Variants in GAN observed in about 807,000 individuals in gnomAD.
GAN encodes gigaxonin.
GAN carries 48 observed loss-of-function variants against 71.3 expected under a neutral mutation model. The observed-to-expected ratio is 0.67, with a 90% CI of 0.53 to 0.86. The LOEUF is 0.86. GAN is among the 40% of genes least tolerant of loss of function. The pLI is 0.00. For synonymous variants in GAN, 386 were observed against 276.8 expected, an observed-to-expected ratio of 1.39 and a Z score of -3.92; for missense variants, 928 against 770.1, an observed-to-expected ratio of 1.21 and a Z score of -2.43.
rs368331651 is a variant in GAN, at chr16:81,383,053, T to C, written c.*5457T>C. 9.9e-5 allele frequency: 15 copies of C among 152,156 alleles called. No homozygotes were observed. The East Asian group carries it at 2.7e-3, about 27-fold the overall frequency. 9.4% of individuals were successfully genotyped at this position (152,156 alleles called of 1,614,324 possible). On this transcript the variant is annotated 3_prime_UTR_variant, in exon 11 of 11. Transcript: ENST00000648994. Reference sequence around the variant, plus strand: ...GATCTTAAACTCCTGGCCTCAGATGTGGAGACCCAGCTGGGACTACAGGCA... The same window carrying C: ...GATCTTAAACTCCTGGCCTCAGATGCGGAGACCCAGCTGGGACTACAGGCA...
intron 1 of GAN, among the ~76,000 whole-genome samples, chr16:81,329,561 C>G (rs1023680596): frequency 6.6e-6 from 1 of 152,192 alleles, no homozygotes; most frequent in African/African-American, 2.4e-5. Flanking sequence ...ACCACTCCAT[C>G]AAAACTGTTC....
intron 1 of GAN, among the ~76,000 whole-genome samples, chr16:81,329,427 C>G (rs1007348161): frequency 1.3e-5 from 2 of 152,190 alleles, no homozygotes; most frequent in African/African-American, 4.8e-5. Flanking sequence ...TCTGCATCCT[C>G]TTCTTACAAG....
In GAN at chr16:81,381,747, A is replaced by G. The variant is rs1186841990; in HGVS notation, c.*4151A>G. On this transcript the variant is annotated 3_prime_UTR_variant, in exon 11 of 11. Transcript: ENST00000648994. The stretch of plus-strand genomic sequence containing the variant: ...GTAGGTAGGCAATAAACATTTGACA[A>G]ATAAATATAAGATTCTTGTGATCAA... 6.6e-6 allele frequency: 1 copy of G among 152,234 alleles called. No individual in the cohort carries two copies. Among genetic ancestry groups the G allele is most frequent in the Non-Finnish European group, 1.5e-5 (1 of 68,052 alleles). The allele number at this position is 152,234 out of a possible 1,614,324, so 9.4% of individuals were successfully genotyped here.
At chr16:81,374,656 G>A (rs1904275703) in intron 9 of GAN, among the ~76,000 whole-genome samples, 1 of 152,172 alleles carries the variant, frequency 6.6e-6, no homozygotes, top group Non-Finnish European at 1.5e-5. Context: ...TCCAGCCTCG[G>A]CTGTCAGTAG....
chr16:81,336,925 A>C (rs1175840974), intron 1 of GAN, among the ~76,000 whole-genome samples: 1 of 151,444 alleles, frequency 6.6e-6, no homozygotes, highest in African/African-American at 2.4e-5. Context: ...CAATTCCTGA[A>C]CCTACATTGG....
chr16:81,340,304 TA>T (rs1378195069), intron 1 of GAN, among the ~76,000 whole-genome samples: 2 of 151,802 alleles, frequency 1.3e-5, no homozygotes, highest in South Asian at 4.2e-4. Context: ...GAATAATCCT[TA>T]AAAAAAATAA....
In GAN at chr16:81,337,079, C is replaced by G. The variant is rs12446247; in HGVS notation, c.168-14504C>G. Among the ~76,000 whole-genome samples, 41 of 152,292 alleles carry G rather than the reference C, an allele frequency of 2.7e-4. 1 individual carries two copies. Among genetic ancestry groups the G allele is most frequent in the Admixed American group, 6.5e-4 (10 of 15,296 alleles). On this transcript the variant is annotated intron_variant, in intron 1 of 10. Coordinates refer to ENST00000648994, the MANE Select transcript of GAN (RefSeq NM_022041.4). Reference sequence around the variant, plus strand: ...GTAGTTTCACTGCCCTAAAAATCCTCTTCCCTGAAGGTCTATTTTTGATGT... The same window carrying G: ...GTAGTTTCACTGCCCTAAAAATCCTGTTCCCTGAAGGTCTATTTTTGATGT...
At chr16:81,332,606 C>CTGAT (rs1385956200) in intron 1 of GAN, among the ~76,000 whole-genome samples, 7 of 152,368 alleles carry the variant, frequency 4.6e-5, no homozygotes, top group Non-Finnish European at 8.8e-5. Context: ...CTCCCAAGAG[C>CTGAT]TGATTCTGCC....
At position 81,315,253 on chromosome 16, in the gene GAN, TC is replaced by T; in HGVS notation, c.142del (p.Leu48TrpfsTer12). 1 of 1,553,362 alleles carries T rather than the reference TC, an allele frequency of 6.4e-7. No homozygotes were observed. The highest frequency in any genetic ancestry group is 1.2e-5 in the South Asian group (1 of 86,300). ...GAGGAGATCCCGGTGCAGAAGAACATCCTGGCGGCGGCCAGCCCGTACATCA... is the reference window on the plus strand; with the variant it reads ...GAGGAGATCCCGGTGCAGAAGAACATCTGGCGGCGGCCAGCCCGTACATCA... ...DGEEIPVQKNILAAASPYIRT... is the reference protein window; with the variant it reads ...DGEEIPVQKNXLAAASPYIRT... On this transcript the variant is annotated frameshift_variant, in exon 1 of 11. Coordinates refer to ENST00000648994, the MANE Select transcript of GAN (RefSeq NM_022041.4). LOFTEE classifies it high-confidence loss of function.
At position 81,315,298 on chromosome 16, in the gene GAN, G is replaced by A. The variant is rs1399556405; in HGVS notation, c.167+18G>A. 8 of 1,491,120 alleles carry A rather than the reference G, an allele frequency of 5.4e-6. 1 individual carries two copies. In the South Asian group the frequency reaches 7.7e-5, roughly 14 times the overall value. 92.4% of individuals were successfully genotyped at this position (1,491,120 alleles called of 1,614,324 possible). On this transcript the variant is annotated intron_variant, in intron 1 of 10. Coordinates refer to ENST00000648994, the MANE Select transcript of GAN (RefSeq NM_022041.4). The stretch of plus-strand genomic sequence containing the variant: ...TACATCAGGTGGGGAGGGGGCTACG[G>A]CGGGCGGGCGCGGCGGTGCTGCCCG...
At chr16:81,347,855 C>T (rs1357063276) in intron 1 of GAN, among the ~76,000 whole-genome samples, 1 of 151,920 alleles carries the variant, frequency 6.6e-6, no homozygotes, top group African/African-American at 2.4e-5. Flanking sequence ...TGATGATGTG[C>T]TCTGGAGTGG....
intron 7 of GAN, among the ~76,000 whole-genome samples, chr16:81,364,682 C>T (rs1488501109): frequency 6.6e-6 from 1 of 152,102 alleles, no homozygotes; most frequent in East Asian, 1.9e-4. Flanking sequence ...GAACGAGACC[C>T]TGTCTCTAAT....
intron 1 of GAN, among the ~76,000 whole-genome samples, chr16:81,325,590 G>A (rs1299035157): frequency 2.0e-5 from 3 of 152,190 alleles, no homozygotes; most frequent in African/African-American, 7.2e-5. Flanking sequence ...TGTATCTACA[G>A]GACCAGGAAG....
chr16:81,336,873 C>A (rs898909151), intron 1 of GAN, among the ~76,000 whole-genome samples: 1 of 152,110 alleles, frequency 6.6e-6, no homozygotes, highest in Non-Finnish European at 1.5e-5. Context: ...CACAGCCTCC[C>A]CCATTATCAG....
intron 7 of GAN, 22 bp from the exon 8 acceptor site, chr16:81,364,952 C>G (rs776066655): frequency 3.1e-6 from 5 of 1,613,110 alleles, no homozygotes; most frequent in South Asian, 1.1e-5. Context: ...GCCTCTCCCC[C>G]ACCATTGTTC....
intron 1 of GAN, among the ~76,000 whole-genome samples, chr16:81,337,799 G>A (rs1177525664): frequency 6.6e-6 from 1 of 152,146 alleles, no homozygotes; most frequent in African/African-American, 2.4e-5. Context: ...TAGAACAGAA[G>A]AACAGAAAAA....
At chr16:81,367,552 A>G (rs1360167083) in intron 9 of GAN, among the ~76,000 whole-genome samples, 3 of 152,192 alleles carry the variant, frequency 2.0e-5, no homozygotes, top group African/African-American at 7.2e-5. Flanking sequence ...GCACTTCCAA[A>G]TAAAATTAAT....
chr16:81,381,853 T>A lies in GAN; in HGVS notation c.*4257T>A, dbSNP rs140891464. ...TTCAGTGAGAAACTTTGTACCCATA[T>A]GGGCTGGCCTCCTATACGGAGCTGA... On this transcript the variant is annotated 3_prime_UTR_variant, in exon 11 of 11. Transcript: ENST00000648994. 3.3e-5 allele frequency: 5 copies of A among 152,326 alleles called. No homozygotes were observed. The East Asian group carries it at 9.7e-4, about 29-fold the overall frequency. 9.4% of individuals were successfully genotyped at this position (152,326 alleles called of 1,614,324 possible).
intron 1 of GAN, among the ~76,000 whole-genome samples, chr16:81,346,710 A>G (rs1012134023): frequency 6.6e-6 from 1 of 152,174 alleles, no homozygotes; most frequent in Non-Finnish European, 1.5e-5. Context: ...TGCCTGAGAA[A>G]GCTGTTCATG....
Sources: gnomAD v4.1 joint callset for allele counts (sites outside exome capture counted in the v4.1 genomes callset) on GRCh38, gnomAD v4.1.1 for gene constraint, MANE v1.5 for transcripts, NCBI Gene and HGNC (gene_info 2026-07-23, HGNC 2026-07-21) for gene names.